The following RIC1 variants were observed in gnomAD, a reference collection of about 807,000 sequenced individuals.
The protein encoded by RIC1 is RIC1 partner of RAB6A GEF complex.
In RIC1, 88 loss-of-function variants were observed where a neutral mutation model predicts 169.0. The observed-to-expected ratio is 0.52, with a 90% CI of 0.44 to 0.62. The LOEUF is 0.62. Ranked by LOEUF, RIC1 falls within the 20% of genes least tolerant of loss-of-function variation. RIC1 has a pLI of 0.00. For synonymous variants in RIC1, 790 were observed against 601.5 expected (o/e 1.31, Z -4.59); for missense variants, 1,877 against 1,725.5 (o/e 1.09, Z -1.56).
chr9:5,737,216 C>A (rs531109081), intron 7 of RIC1, among the ~76,000 whole-genome samples: 2 of 151,450 alleles, frequency 1.3e-5, no homozygotes, highest in African/African-American at 4.8e-5. Context: ...CCTCGTAGTT[C>A]AATTTTGAAA....
chr9:5,728,294 G>C (rs1824129971), intron 6 of RIC1, among the ~76,000 whole-genome samples: 1 of 152,236 alleles, frequency 6.6e-6, no homozygotes, highest in African/African-American at 2.4e-5. Flanking sequence ...AATCTGAGTT[G>C]CTGTGCTAGC....
chr9:5,719,067 T>C (rs1028418836), intron 4 of RIC1: 3 of 152,216 alleles, frequency 2.0e-5, no homozygotes, highest in African/African-American at 4.8e-5. Context: ...ATATATAATA[T>C]ACACATAACA....
chr9:5,707,389 A>G (rs977313153), intron 3 of RIC1, among the ~76,000 whole-genome samples: 4 of 152,132 alleles, frequency 2.6e-5, no homozygotes, highest in African/African-American at 9.7e-5. Flanking sequence ...TCTTAGGTCT[A>G]AGTGGTTTAT....
At chr9:5,632,187 C>G (rs1183263795) in intron 1 of RIC1, among the ~76,000 whole-genome samples, 2 of 152,196 alleles carry the variant, frequency 1.3e-5, no homozygotes, top group Non-Finnish European at 2.9e-5. Flanking sequence ...CTTAGTAAAT[C>G]AGGCTCTCTT....
chr9:5,688,868 G>C (rs1586952263), intron 2 of RIC1, among the ~76,000 whole-genome samples: 1 of 152,130 alleles, frequency 6.6e-6, no homozygotes, highest in East Asian at 1.9e-4. Flanking sequence ...AGTAGTTTGG[G>C]CAAAACACTG....
intron 2 of RIC1, among the ~76,000 whole-genome samples, chr9:5,660,806 G>C (rs1340691203): frequency 6.6e-6 from 1 of 151,868 alleles, no homozygotes; most frequent in African/African-American, 2.4e-5. Context: ...TTGTTTATCT[G>C]CTCACTCCAA....
intron 16 of RIC1, among the ~76,000 whole-genome samples, chr9:5,756,873 C>G (rs754496009): frequency 6.6e-6 from 1 of 152,122 alleles, no homozygotes; most frequent in Non-Finnish European, 1.5e-5. Flanking sequence ...CTACTTGCAA[C>G]GTATTTAGAC....
intron 5 of RIC1, 133 bp from the exon 6 acceptor site, chr9:5,720,481 G>C: frequency 1.7e-6 from 2 of 1,152,662 alleles, no homozygotes; most frequent in Non-Finnish European, 2.4e-6. Context: ...TAATAGGAAA[G>C]GACAGTTTAA....
chr9:5,767,259 C>G (rs1377118102), intron 21 of RIC1, among the ~76,000 whole-genome samples: 2 of 152,182 alleles, frequency 1.3e-5, no homozygotes. Context: ...AGTTATTACA[C>G]AGTCGGGGAG....
At chr9:5,634,909 G>C (rs1457621125) in intron 1 of RIC1, among the ~76,000 whole-genome samples, 1 of 152,044 alleles carries the variant, frequency 6.6e-6, no homozygotes, top group East Asian at 1.9e-4. Context: ...GTAGATCTGT[G>C]TATTTGTGGG....
intron 1 of RIC1, among the ~76,000 whole-genome samples, chr9:5,650,532 T>A (rs1384249941): frequency 1.3e-5 from 2 of 151,862 alleles, no homozygotes; most frequent in Admixed American, 6.5e-5. Flanking sequence ...GGTGTCGGTG[T>A]CAGTAGCCTC....
chr9:5,738,177 C>G (rs909095233), intron 7 of RIC1, among the ~76,000 whole-genome samples: 2 of 152,032 alleles, frequency 1.3e-5, no homozygotes, highest in African/African-American at 2.4e-5. Context: ...GCTAGATAGG[C>G]TATTTCCTTT....
intron 1 of RIC1, among the ~76,000 whole-genome samples, chr9:5,654,155 T>C (rs1818956329): frequency 6.6e-6 from 1 of 152,040 alleles, no homozygotes; most frequent in South Asian, 2.1e-4. Context: ...TGTGCCACCA[T>C]GCCCAGCTAA....
chr9:5,718,166 A>AAAAAAT (rs1823380133), intron 4 of RIC1, among the ~76,000 whole-genome samples: 1 of 150,258 alleles, frequency 6.7e-6, no homozygotes, highest in Non-Finnish European at 1.5e-5. Flanking sequence ...AAAAAAAAAA[A>AAAAAAT]GTTCAGTTCT....
intron 2 of RIC1, among the ~76,000 whole-genome samples, chr9:5,657,026 C>T (rs1485877507): frequency 6.6e-6 from 1 of 152,112 alleles, no homozygotes; most frequent in Non-Finnish European, 1.5e-5. Context: ...TCTGTTTTGA[C>T]TCTGCTGCTT....
At chr9:5,659,464 C>G (rs1819315289) in intron 2 of RIC1, among the ~76,000 whole-genome samples, 1 of 152,124 alleles carries the variant, frequency 6.6e-6, no homozygotes, top group Admixed American at 6.6e-5. Flanking sequence ...GTAAGTTGAA[C>G]CATCATAAGT....
chr9:5,675,117 C>A (rs1185354471), intron 2 of RIC1, among the ~76,000 whole-genome samples: 1 of 152,234 alleles, frequency 6.6e-6, no homozygotes, highest in African/African-American at 2.4e-5. Flanking sequence ...ACGCACGTGG[C>A]CCCTGCTGCT....
intron 2 of RIC1, among the ~76,000 whole-genome samples, chr9:5,674,215 G>T (rs1042049075): frequency 6.6e-6 from 1 of 151,810 alleles, no homozygotes; most frequent in South Asian, 2.1e-4. Context: ...TACTTTCTGT[G>T]TTTCTTGGGT....
intron 2 of RIC1, among the ~76,000 whole-genome samples, chr9:5,673,506 C>G (rs1028066457): frequency 1.7e-5 from 2 of 120,010 alleles, no homozygotes; most frequent in Non-Finnish European, 3.4e-5. Context: ...AGGTACCCCA[C>G]AAAATATATA....
Sources: gnomAD v4.1 joint callset for allele counts (sites outside exome capture counted in the v4.1 genomes callset) on GRCh38, gnomAD v4.1.1 for gene constraint, MANE v1.5 for transcripts, NCBI Gene and HGNC (gene_info 2026-07-23, HGNC 2026-07-21) for gene names.